Variants in SH3TC1 observed in about 807,000 individuals in gnomAD.
The protein encoded by SH3TC1 is SH3 domain and tetratricopeptide repeat-containing protein 1.
Under a neutral mutation model 117.3 loss-of-function variants are expected in SH3TC1, and 135 were observed. The ratio of observed to expected loss-of-function variants is 1.15; its 90% confidence interval spans 1.00 to 1.33. SH3TC1 has a LOEUF of 1.33. Among genes scored for constraint, SH3TC1 ranks in the 40% most tolerant of loss-of-function variants. SH3TC1 has a pLI of 0.00. For missense variants in SH3TC1, 2,092 were observed against 1,794.3 expected (o/e 1.17, Z -3.00); for synonymous variants, 898 against 816.9 (o/e 1.10, Z -1.69).
rs1010693005 is a variant in SH3TC1, at chr4:8,192,447, C to A, written c.-57+10237C>A. Among the ~76,000 whole-genome samples, 1 of 138,368 alleles carries A rather than the reference C, an allele frequency of 7.2e-6. No homozygotes were observed. Among genetic ancestry groups the A allele is most frequent in the African/African-American group, 2.7e-5 (1 of 36,992 alleles). 90.8% of individuals were successfully genotyped at this position (138,368 alleles called of 152,430 possible). On this transcript the variant is annotated intron_variant, in intron 1 of 16. Transcript: ENST00000508641. The surrounding 1 kb of genome is among the most constrained non-coding windows in gnomAD (Gnocchi z 4.1). The stretch of plus-strand genomic sequence containing the variant: ...ACAATCTTCTTATCCAACCACTTGT[C>A]TTTATTTTATTTTATTTTATTTTAT...
At position 8,214,467 on chromosome 4, in the gene SH3TC1, C is replaced by G; in HGVS notation, c.376-8C>G. 6.2e-7 allele frequency: 1 copy of G among 1,612,706 alleles called. No homozygotes were observed. Among genetic ancestry groups the G allele is most frequent in the Non-Finnish European group, 8.5e-7 (1 of 1,178,942 alleles). ...GGACCTCTCGAATTCCTATTTCTTT[C>G]TCTTAAGGAATTATCAGCCAGGCTG... On this transcript the variant is annotated splice_polypyrimidine_tract_variant and splice_region_variant and intron_variant, in intron 4 of 17. Transcript: ENST00000245105.
chr4:8,188,815 C>A (rs1717316605), intron 1 of SH3TC1, among the ~76,000 whole-genome samples: 1 of 152,238 alleles, frequency 6.6e-6, no homozygotes, highest in South Asian at 2.1e-4. Flanking sequence ...GTTGGCCCAA[C>A]AAGGGGCTGC....
chr4:8,218,018 C>T (rs1123159), intron 7 of SH3TC1, among the ~76,000 whole-genome samples: 92,728 of 151,972 alleles, frequency 0.61, 30,246 homozygotes, highest in Middle Eastern at 0.78. Context: ...ACAGGGGTGG[C>T]GGTGTTTCCA....
At chr4:8,233,693 CCAT>C (rs368644431) in intron 14 of SH3TC1, among the ~76,000 whole-genome samples, 180 bp downstream of exon 14, 318 of 151,990 alleles carry the variant, frequency 2.1e-3, no homozygotes, top group Middle Eastern at 7.1e-3. Context: ...TTCCATCCAT[CCAT>C]CATCCATCCA....
chr4:8,202,200 C>T (rs1164377220), intron 1 of SH3TC1, among the ~76,000 whole-genome samples: 1 of 152,174 alleles, frequency 6.6e-6, no homozygotes, highest in Non-Finnish European at 1.5e-5. Context: ...CGCAGTCCTG[C>T]AGAGCAAGGA....
chr4:8,196,864 C>G (rs1241837459), upstream of SH3TC1, among the ~76,000 whole-genome samples: 1 of 152,060 alleles, frequency 6.6e-6, no homozygotes, highest in Admixed American at 6.5e-5. The surrounding 1 kb of genome is among the most constrained non-coding windows in gnomAD (Gnocchi z 4.6). Context: ...GCTGAGAGGA[C>G]AGCAGGCTGC....
intron 12 of SH3TC1, 92 bp from the exon 13 acceptor site, chr4:8,231,884 A>G: frequency 6.9e-7 from 1 of 1,442,146 alleles, no homozygotes; most frequent in Non-Finnish European, 9.4e-7. Context: ...CAGAGGTGTG[A>G]AAGAGGCAAG....
chr4:8,228,267 G>A lies in SH3TC1; in HGVS notation c.2573G>A (p.Ser858Asn). Residue 858 changes from serine to asparagine, a missense_variant, in exon 12 of 18, where the codon AGC becomes AAC. Ser to Asn is a conservative substitution (Grantham distance 46). Transcript: ENST00000245105. ...TCTGTCCGGGATGCAGTGGTGGCCAGCGAGGACCAGGAGGGCGTGATTGCC... is the reference window on the plus strand; with the variant it reads ...TCTGTCCGGGATGCAGTGGTGGCCAACGAGGACCAGGAGGGCGTGATTGCC... The part of the protein sequence containing the change: ...LQSVRDAVVA[S>N]EDQEGVIANM... 6.2e-7 allele frequency: 1 copy of A among 1,612,252 alleles called. No individual in the cohort carries two copies. Among genetic ancestry groups the A allele is most frequent in the Non-Finnish European group, 8.5e-7 (1 of 1,179,734 alleles).
chr4:8,188,208 C>T (rs561806455), intron 1 of SH3TC1, among the ~76,000 whole-genome samples: 2 of 152,296 alleles, frequency 1.3e-5, no homozygotes, highest in South Asian at 4.1e-4. Context: ...CTTTCCCAAC[C>T]CCTCTGCAAT....
intron 8 of SH3TC1, among the ~76,000 whole-genome samples, chr4:8,218,955 G>A (rs922236154): frequency 1.3e-5 from 2 of 152,048 alleles, no homozygotes; most frequent in Admixed American, 6.5e-5. Flanking sequence ...CAGAGCTGCC[G>A]GTGTCTGGGT....
In SH3TC1 at chr4:8,212,484, C is replaced by G. The variant is rs529102728; in HGVS notation, c.248-217C>G. Among the ~76,000 whole-genome samples the G allele has an allele frequency of 3.3e-5, 5 of 152,296 alleles. No homozygotes were observed. In the South Asian group the frequency reaches 8.3e-4, roughly 25 times the overall value. On this transcript the variant is annotated intron_variant, in intron 3 of 17. Transcript: ENST00000245105. ...CACTCCACAGGACAGGCACTCACCC[C>G]GAAAGAAACAGGCTGGGAGCTAGGC...
intron 1 of SH3TC1, among the ~76,000 whole-genome samples, chr4:8,189,902 A>G (rs932325954): frequency 3.3e-5 from 5 of 152,172 alleles, no homozygotes; most frequent in Non-Finnish European, 7.4e-5. Context: ...GGAGGTGTCC[A>G]AAGGGTGTGG....
chr4:8,237,979 G>T (rs114209713), intron 17 of SH3TC1, among the ~76,000 whole-genome samples: 1 of 152,226 alleles, frequency 6.6e-6, no homozygotes, highest in Non-Finnish European at 1.5e-5. Context: ...CACCAAAGCT[G>T]AGTCTTGGCA....
At position 8,228,359 on chromosome 4, in the gene SH3TC1, G is replaced by A. The variant is rs770840845; in HGVS notation, c.2665G>A (p.Ala889Thr). The change falls in exon 12 of 18, where the codon GCC becomes ACC. Residue 889 changes from alanine to threonine, a missense_variant. Physicochemically the swap from Ala to Thr is moderately conservative, Grantham distance 58. Transcript: ENST00000245105. ...GCAGGCAGCTGAGAGCTACTACCGCGCCCTGCGGGTGGCTCGGGACCTGGG... is the reference window on the plus strand; with the variant it reads ...GCAGGCAGCTGAGAGCTACTACCGCACCCTGCGGGTGGCTCGGGACCTGGG... The part of the protein sequence containing the change: ...TRQAAESYYR[A>T]LRVARDLGQQ... 23 of 1,611,670 alleles carry A rather than the reference G, an allele frequency of 1.4e-5. No homozygotes were observed. Among genetic ancestry groups the A allele is most frequent in the South Asian group, 3.3e-5 (3 of 91,052 alleles).
At chr4:8,218,371 T>C (rs2152986801) in intron 8 of SH3TC1, 24 bp downstream of exon 8, 1 of 1,580,508 alleles carries the variant, frequency 6.3e-7, no homozygotes, top group Non-Finnish European at 8.7e-7. Flanking sequence ...TGGGCCTCTC[T>C]TTTTTGGGGA....
chr4:8,230,027 A>G lies in SH3TC1; in HGVS notation c.2950+1383A>G, dbSNP rs1721032317. ...AGTCGAGGAGACCGGGGGCCAGGGG[A>G]CGAGGATCATGCTTCCCTGTCTCCC... On this transcript the variant is annotated intron_variant, in intron 12 of 17. Transcript: ENST00000245105. 2.1e-5 allele frequency among the ~76,000 whole-genome samples: 3 copies of G among 143,388 alleles called. 1 individual carries two copies. The highest frequency in any genetic ancestry group is 3.1e-5 in the Non-Finnish European group (2 of 63,562). The allele number at this position is 143,388 out of a possible 152,430, so 94.1% of individuals were successfully genotyped here. A position where few individuals can be genotyped will look rare whatever the true frequency, so the allele number is the denominator to read the frequency against.
chr4:8,217,587 A>G (rs953719337), intron 7 of SH3TC1, among the ~76,000 whole-genome samples: 2 of 152,240 alleles, frequency 1.3e-5, no homozygotes, highest in Non-Finnish European at 2.9e-5. Context: ...AGCGGGGGGC[A>G]TTAACTTGGG....
chr4:8,236,970 A>T (rs574050538), intron 16 of SH3TC1: 1 of 162,476 alleles, frequency 6.2e-6, no homozygotes, highest in East Asian at 1.8e-4. Flanking sequence ...CCGCGTGGGA[A>T]TGCATTGAAT....
In SH3TC1 at chr4:8,227,196, C is replaced by T. The variant is rs1257090647; in HGVS notation, c.1502C>T (p.Ser501Leu). The T allele has an allele frequency of 6.4e-7, 1 of 1,569,836 alleles. No homozygotes were observed. Reference protein sequence around the residue: ...DDWEDPEALSSLLLFLNAPGY... With the variant: ...DDWEDPEALSLLLLFLNAPGY... ...TGGGAGGACCCAGAGGCCCTGAGCTCACTGCTGCTGTTCCTGAACGCCCCT... is the reference window on the plus strand; with the variant it reads ...TGGGAGGACCCAGAGGCCCTGAGCTTACTGCTGCTGTTCCTGAACGCCCCT... The change falls in exon 12 of 18, where the codon TCA becomes TTA. Residue 501 changes from serine to leucine, a missense_variant. By Grantham distance (145) the Ser-to-Leu change is moderately radical (BLOSUM62 -2). Transcript: ENST00000245105.
Sources: gnomAD v4.1 joint callset for allele counts (sites outside exome capture counted in the v4.1 genomes callset) on GRCh38, gnomAD v4.1.1 for gene constraint, Gnocchi (gnomAD v3.1) non-coding constraint, MANE v1.5 for transcripts, NCBI Gene and HGNC (gene_info 2026-07-23, HGNC 2026-07-21) for gene names.